The following PDE1C variants were observed in gnomAD, a reference collection of about 807,000 sequenced individuals.
The protein encoded by PDE1C is dual specificity calcium/calmodulin-dependent 3',5'-cyclic nucleotide phosphodiesterase 1C.
A neutral mutation model predicts 93.1 loss-of-function variants in PDE1C; 62 were observed. The ratio of observed to expected loss-of-function variants is 0.67; its 90% CI spans 0.54 to 0.82. The LOEUF (loss-of-function observed/expected upper bound fraction) is 0.82, where lower values mean the gene tolerates loss of function less well. Among genes scored for constraint, PDE1C ranks in the 40% least tolerant of loss-of-function variants. The pLI is 0.00. For missense variants in PDE1C, 742 were observed against 884.6 expected (o/e 0.84, Z 2.04); for synonymous variants, 325 against 310.1 (o/e 1.05, Z -0.50).
chr7:31,829,119 C>A (rs559455120), intron 11 of PDE1C, among the ~76,000 whole-genome samples: 1 of 152,100 alleles, frequency 6.6e-6, no homozygotes, highest in Non-Finnish European at 1.5e-5. Flanking sequence ...TGTCACCCTT[C>A]TTATAGTAGT....
chr7:32,169,518 A>T (rs1203243932), intron 3 of PDE1C, among the ~76,000 whole-genome samples: 1 of 152,174 alleles, frequency 6.6e-6, no homozygotes, highest in African/African-American at 2.4e-5. Context: ...AATTGCCAAC[A>T]TCAGTAAATC....
intron 2 of PDE1C, among the ~76,000 whole-genome samples, chr7:31,886,369 C>T (rs2128889654): frequency 6.6e-6 from 1 of 152,326 alleles, no homozygotes; most frequent in East Asian, 1.9e-4. Flanking sequence ...AATGATGTCA[C>T]CCAAGCATTT....
chr7:32,084,528 C>A (rs1015919491), intron 3 of PDE1C, among the ~76,000 whole-genome samples: 1 of 150,500 alleles, frequency 6.6e-6, no homozygotes, highest in Non-Finnish European at 1.5e-5. Context: ...GAACTCTCCA[C>A]CCCAAATCAA....
chr7:31,719,056 G>A, the PDE1C span, among the ~76,000 whole-genome samples: 28 of 152,340 alleles, frequency 1.8e-4, 1 homozygote, highest in South Asian at 5.0e-3. Context: ...TCTGAAGATG[G>A]AACAAATAGG....
At chr7:32,401,536 C>CAA (rs58246141) in intron 1 of PDE1C, among the ~76,000 whole-genome samples, 8 of 118,214 alleles carry the variant, frequency 6.8e-5, no homozygotes, top group African/African-American at 2.1e-4. Context: ...GACTCCATCT[C>CAA]AAAAAAAAAA....
chr7:31,939,023 CATA>C (rs765056507), intron 2 of PDE1C, among the ~76,000 whole-genome samples: 3 of 152,176 alleles, frequency 2.0e-5, no homozygotes, highest in Non-Finnish European at 4.4e-5. Context: ...AATTCAGAAG[CATA>C]ATCCAAGTCC....
chr7:31,747,004 C>T (rs911379299), downstream of PDE1C, among the ~76,000 whole-genome samples: 2 of 152,138 alleles, frequency 1.3e-5, no homozygotes. Context: ...TGCTTCATGA[C>T]ATGGGTTCAG....
intron 7 of PDE1C, among the ~76,000 whole-genome samples, chr7:31,858,433 G>A (rs1225630444): frequency 6.6e-6 from 1 of 152,106 alleles, no homozygotes; most frequent in African/African-American, 2.4e-5. Flanking sequence ...GACACAGGCA[G>A]ATTCTTTAAC....
At chr7:31,915,089 C>T (rs1156904099) in intron 2 of PDE1C, among the ~76,000 whole-genome samples, 1 of 152,196 alleles carries the variant, frequency 6.6e-6, no homozygotes, top group Non-Finnish European at 1.5e-5. Flanking sequence ...CCCATCATCC[C>T]TCTGGAACCA....
At chr7:31,950,435 C>T (rs1170104858) in intron 2 of PDE1C, among the ~76,000 whole-genome samples, 2 of 152,176 alleles carry the variant, frequency 1.3e-5, no homozygotes, top group African/African-American at 2.4e-5. Context: ...TACATACTCT[C>T]ATGGCACCCC....
intron 16 of PDE1C, among the ~76,000 whole-genome samples, chr7:31,797,553 A>T (rs1785462621): frequency 6.6e-6 from 1 of 151,798 alleles, no homozygotes; most frequent in African/African-American, 2.4e-5. Flanking sequence ...TTTTAAGGTA[A>T]GTAGAAGAGA....
At chr7:31,639,147 T>C in the PDE1C span, among the ~76,000 whole-genome samples, 6 of 152,316 alleles carry the variant, frequency 3.9e-5, no homozygotes, top group Middle Eastern at 3.4e-3. Context: ...TGTTGGACTT[T>C]GTGAAACAAA....
At chr7:31,716,520 A>T in the PDE1C span, among the ~76,000 whole-genome samples, 2 of 152,240 alleles carry the variant, frequency 1.3e-5, no homozygotes, top group Non-Finnish European at 2.9e-5. Context: ...ATAAAATATG[A>T]ATTTTACTGA....
At chr7:31,864,022 C>G (rs551561328) in intron 7 of PDE1C, among the ~76,000 whole-genome samples, 1 of 152,306 alleles carries the variant, frequency 6.6e-6, no homozygotes, top group East Asian at 1.9e-4. Flanking sequence ...TAATTGATAA[C>G]TATACCCAAA....
At chr7:32,223,082 G>A (rs775554307) in intron 1 of PDE1C, among the ~76,000 whole-genome samples, 4 of 152,164 alleles carry the variant, frequency 2.6e-5, no homozygotes, top group Non-Finnish European at 1.5e-5. Context: ...CTCAGACTGC[G>A]GCACCTCCCT....
intron 2 of PDE1C, among the ~76,000 whole-genome samples, chr7:32,178,414 A>G (rs1170867791): frequency 6.6e-6 from 1 of 152,222 alleles, no homozygotes; most frequent in Non-Finnish European, 1.5e-5. Context: ...TGACAAAATG[A>G]AAAATAAAAA....
chr7:32,220,589 G>A (rs1043322355), intron 1 of PDE1C, among the ~76,000 whole-genome samples: 1 of 152,086 alleles, frequency 6.6e-6, no homozygotes, highest in Admixed American at 6.5e-5. Context: ...GCCGAGGCGG[G>A]CGGATCACGA....
At chr7:32,026,250 C>A (rs966603411) in intron 2 of PDE1C, among the ~76,000 whole-genome samples, 1 of 152,092 alleles carries the variant, frequency 6.6e-6, no homozygotes, top group African/African-American at 2.4e-5. Flanking sequence ...GCCAGCCCCA[C>A]AGCCTACACA....
At chr7:31,986,604 G>A (rs904261352) in intron 2 of PDE1C, among the ~76,000 whole-genome samples, 9 of 152,046 alleles carry the variant, frequency 5.9e-5, no homozygotes, top group Non-Finnish European at 1.2e-4. Context: ...GAAGTGGGGA[G>A]GGCACAGAGA....
Sources: allele counts gnomAD v4.1 joint callset (sites outside exome capture counted in the v4.1 genomes callset), GRCh38; gene constraint gnomAD v4.1.1; transcripts MANE v1.5; gene names NCBI Gene and HGNC (gene_info 2026-07-23, HGNC 2026-07-21).